ARHGEF26: variants seen among roughly 807,000 people sequenced by gnomAD.
ARHGEF26 encodes Rho guanine nucleotide exchange factor (GEF) 26.
ARHGEF26 carries 59 observed loss-of-function variants against 89.4 expected under a neutral mutation model. The ratio of observed to expected loss-of-function variants is 0.66; its 90% CI spans 0.54 to 0.82. The LOEUF (loss-of-function observed/expected upper bound fraction) is 0.82. Ranked by LOEUF, ARHGEF26 falls within the 40% of genes least tolerant of loss-of-function variation. ARHGEF26 has a pLI of 0.00. For synonymous variants in ARHGEF26, 500 were observed against 428.4 expected (o/e 1.17, Z -2.06); for missense variants, 1,234 against 1,085.6 (o/e 1.14, Z -1.92).
intron 9 of ARHGEF26, among the ~76,000 whole-genome samples, chr3:154,215,397 A>AT (rs57156535): frequency 0.12 from 16,727 of 137,868 alleles, 942 homozygotes; most frequent in Middle Eastern, 0.15. Context: ...TCAGTCTGTG[A>AT]TTTTTTTTTT....
chr3:154,172,373 T>C (rs1425291737), intron 6 of ARHGEF26, among the ~76,000 whole-genome samples: 1 of 152,076 alleles, frequency 6.6e-6, no homozygotes, highest in Non-Finnish European at 1.5e-5. Context: ...AAAGCACAGG[T>C]TGTGTTTAAA....
intron 6 of ARHGEF26, among the ~76,000 whole-genome samples, chr3:154,153,545 T>C (rs1720151199): frequency 6.6e-6 from 1 of 152,114 alleles, no homozygotes; most frequent in African/African-American, 2.4e-5. Flanking sequence ...TTTTCTTACA[T>C]AACTACACTG....
At chr3:154,216,494 T>TAA (rs377478738) in intron 9 of ARHGEF26, among the ~76,000 whole-genome samples, 2 of 123,012 alleles carry the variant, frequency 1.6e-5, no homozygotes, top group Non-Finnish European at 3.4e-5. Context: ...TTTTTTTTAT[T>TAA]TTTTTTTATT....
chr3:154,209,877 C>T (rs1171128867), intron 9 of ARHGEF26, among the ~76,000 whole-genome samples: 1 of 152,190 alleles, frequency 6.6e-6, no homozygotes, highest in East Asian at 1.9e-4. Context: ...CGAGAGGTAC[C>T]GTTCACAAAC....
At chr3:154,227,225 A>G (rs1358345168) in intron 11 of ARHGEF26, among the ~76,000 whole-genome samples, 4 of 152,138 alleles carry the variant, frequency 2.6e-5, no homozygotes, top group South Asian at 2.1e-4. Context: ...TTCTATTTCC[A>G]TATCTCCAAG....
intron 4 of ARHGEF26, among the ~76,000 whole-genome samples, chr3:154,141,232 C>T (rs1023923477): frequency 4.6e-5 from 7 of 152,002 alleles, no homozygotes; most frequent in Non-Finnish European, 7.4e-5. Flanking sequence ...CCCAAAATGC[C>T]GGGATTATAG....
At chr3:154,190,376 G>C (rs934135751) in intron 7 of ARHGEF26, among the ~76,000 whole-genome samples, 2 of 152,140 alleles carry the variant, frequency 1.3e-5, no homozygotes, top group Non-Finnish European at 2.9e-5. Flanking sequence ...GGGCGTCATG[G>C]CACACACCTG....
intron 9 of ARHGEF26, among the ~76,000 whole-genome samples, chr3:154,199,306 A>T (rs1012092124): frequency 6.6e-5 from 10 of 152,138 alleles, no homozygotes; most frequent in Admixed American, 6.6e-5. Flanking sequence ...AAAAATGAGA[A>T]CATGTAATGT....
chr3:154,160,758 C>T (rs1345639015), intron 6 of ARHGEF26, among the ~76,000 whole-genome samples: 3 of 151,958 alleles, frequency 2.0e-5, no homozygotes, highest in Non-Finnish European at 4.4e-5. Flanking sequence ...TAGAAAAAGA[C>T]CTATAAGTAT....
Position 154,164,577 on chromosome 3 carries a change from G to C in ARHGEF26, c.1487+11645G>C, listed in dbSNP as rs191694697. The stretch of plus-strand genomic sequence containing the variant: ...TTGGCTAAGATTGACCTTGTCACTT[G>C]TGGGGGATTCAAACAAAGGTCCCTT... On this transcript the variant is annotated intron_variant, in intron 6 of 14. Transcript: ENST00000465093. Among the ~76,000 whole-genome samples the C allele has an allele frequency of 1.1e-3, 169 of 152,224 alleles. 2 individuals carry two copies. In the South Asian group the frequency reaches 0.019, roughly 17 times the overall value.
chr3:154,239,315 T>A (rs1351601802), intron 11 of ARHGEF26, among the ~76,000 whole-genome samples: 165 of 146,888 alleles, frequency 1.1e-3, no homozygotes, highest in African/African-American at 3.6e-3. Context: ...TGTGTGTGTG[T>A]GTGTGTGTGT....
At position 154,240,415 on chromosome 3, in the gene ARHGEF26, A is replaced by G. The variant is rs1717415396; in HGVS notation, c.2136A>G (p.Leu712=). ...ATGATTATTCCTTAAGAGATCAGCT[A>G]TTGGTGGAATCTTGTGACAATGAAG... ...NVNDYSLRDQ[L]LVESCDNEEL... The change falls in exon 12 of 15, where the codon CTA becomes CTG. Residue 712 remains leucine, a synonymous_variant. Coordinates refer to ENST00000465093, the MANE Select transcript of ARHGEF26 (RefSeq NM_015595.4). 6.2e-7 allele frequency: 1 copy of G among 1,613,600 alleles called. No individual in the cohort carries two copies. The highest frequency in any genetic ancestry group is 1.3e-5 in the African/African-American group (1 of 75,030).
At chr3:154,147,936 C>A (rs754443093) in intron 4 of ARHGEF26, among the ~76,000 whole-genome samples, 4 of 152,174 alleles carry the variant, frequency 2.6e-5, no homozygotes, top group African/African-American at 9.7e-5. Flanking sequence ...ATCATTCTCT[C>A]CCCTCTTGGG....
intron 4 of ARHGEF26, 55 bp from the exon 5 acceptor site, chr3:154,149,334 T>C: frequency 1.3e-6 from 2 of 1,482,346 alleles, no homozygotes; most frequent in Non-Finnish European, 1.8e-6. Context: ...ATAATGCCCT[T>C]GAAACTTTTA....
chr3:154,122,074 C>A lies in ARHGEF26; in HGVS notation c.82C>A (p.Gln28Lys). Residue 28 changes from glutamine to lysine, a missense_variant, in exon 2 of 15, where the codon CAG becomes AAG. By Grantham distance (53) the Gln-to-Lys change is moderately conservative. Transcript: ENST00000465093. Reference protein sequence around the residue: ...WRRRSIPQPHQVLGRSKPRPQ... With the variant: ...WRRRSIPQPHKVLGRSKPRPQ... ...GAGGCGGTCGATTCCTCAGCCCCAC[C>A]AGGTTCTGGGCCGGAGCAAGCCGAG... 6.2e-7 allele frequency: 1 copy of A among 1,612,850 alleles called. No homozygotes were observed. Among genetic ancestry groups the A allele is most frequent in the Non-Finnish European group, 8.5e-7 (1 of 1,179,434 alleles).
chr3:154,126,866 G>A (rs1279466234), intron 3 of ARHGEF26, among the ~76,000 whole-genome samples: 1 of 152,166 alleles, frequency 6.6e-6, no homozygotes, highest in Non-Finnish European at 1.5e-5. Context: ...AAATATCACA[G>A]AGCGTACTTA....
intron 6 of ARHGEF26, among the ~76,000 whole-genome samples, chr3:154,166,545 A>C (rs1712052914): frequency 6.6e-6 from 1 of 152,224 alleles, no homozygotes; most frequent in Non-Finnish European, 1.5e-5. Flanking sequence ...TCTTTGAGGG[A>C]AACATGACAT....
chr3:154,245,536 CCAGATGGCT>C (rs1717752824), intron 12 of ARHGEF26, among the ~76,000 whole-genome samples: 2 of 152,204 alleles, frequency 1.3e-5, no homozygotes, highest in Admixed American at 6.5e-5. Flanking sequence ...CCTCAGATGG[CCAGATGGCT>C]CCTCTTAGGG....
intron 3 of ARHGEF26, among the ~76,000 whole-genome samples, chr3:154,129,284 G>A (rs951625344): frequency 1.3e-5 from 2 of 152,182 alleles, no homozygotes; most frequent in African/African-American, 4.8e-5. Flanking sequence ...CTAAATTACA[G>A]TGATTTAACA....
Sources: allele counts gnomAD v4.1 joint callset (sites outside exome capture counted in the v4.1 genomes callset), GRCh38; gene constraint gnomAD v4.1.1; transcripts MANE v1.5; gene names NCBI Gene and HGNC (gene_info 2026-07-23, HGNC 2026-07-21).